BRI3BP: variants seen among roughly 807,000 people sequenced by gnomAD.
BRI3BP encodes BRI3 binding protein.
A neutral mutation model predicts 15.8 loss-of-function variants in BRI3BP; 7 were observed. The ratio of observed to expected loss-of-function variants is 0.44; its 90% CI spans 0.25 to 0.83. The LOEUF (loss-of-function observed/expected upper bound fraction) is 0.83, where lower values mean the gene tolerates loss of function less well. Ranked by LOEUF, BRI3BP falls within the 40% of genes least tolerant of loss-of-function variation. The probability of loss-of-function intolerance (pLI) is 0.20; values close to 1 mark genes in which losing one functional copy is unlikely to be tolerated. For missense variants in BRI3BP, 320 were observed against 339.3 expected, an observed-to-expected ratio of 0.94 and a Z score of 0.45; for synonymous variants, 192 against 163.5, an observed-to-expected ratio of 1.17 and a Z score of -1.33.
At chr12:125,021,278 C>G (rs570993060) in intron 2 of BRI3BP, among the ~76,000 whole-genome samples, 2 of 152,292 alleles carry the variant, frequency 1.3e-5, no homozygotes, top group African/African-American at 4.8e-5. Context: ...GGAGTCTGAT[C>G]ATTTTGGGGA....
chr12:124,998,295 A>T (rs1402622827), intron 1 of BRI3BP, among the ~76,000 whole-genome samples: 1 of 152,204 alleles, frequency 6.6e-6, no homozygotes, highest in Non-Finnish European at 1.5e-5. Flanking sequence ...CTCAAAAAAA[A>T]TTATTAAGCA....
intron 2 of BRI3BP, among the ~76,000 whole-genome samples, chr12:125,014,109 G>T (rs1227959545): frequency 6.6e-6 from 1 of 152,158 alleles, no homozygotes; most frequent in Non-Finnish European, 1.5e-5. Context: ...GGCATCCCAT[G>T]CTCTCAGGAT....
At chr12:125,009,627 G>T (rs1433063307) in intron 1 of BRI3BP, among the ~76,000 whole-genome samples, 1 of 145,834 alleles carries the variant, frequency 6.9e-6, no homozygotes, top group Non-Finnish European at 1.5e-5. Context: ...GATGGGGGGG[G>T]GGTCTCATTT....
rs866479137 is a variant in BRI3BP at position 125,031,220 on chromosome 12, C to T, written c.*5790C>T. The stretch of plus-strand genomic sequence containing the variant: ...TGGACTTTTAAAATATATCTCATCA[C>T]TTCTAACCAAACATTTGTGGAGTTT... On this transcript the variant is annotated 3_prime_UTR_variant, in exon 3 of 3. Coordinates refer to ENST00000341446, the MANE Select transcript of BRI3BP (RefSeq NM_080626.6). 3 of 152,176 alleles carry T rather than the reference C, an allele frequency of 2.0e-5. No homozygotes were observed. The highest frequency in any genetic ancestry group is 6.5e-5 in the Admixed American group (1 of 15,268). 9.4% of individuals were successfully genotyped at this position (152,176 alleles called of 1,614,324 possible).
the BRI3BP span, among the ~76,000 whole-genome samples, chr12:125,046,566 G>GA: frequency 1.6e-4 from 24 of 148,340 alleles, no homozygotes; most frequent in African/African-American, 3.7e-4. Context: ...CTCCGTCTTG[G>GA]AAAAAAAAAA....
intron 1 of BRI3BP, among the ~76,000 whole-genome samples, chr12:125,002,564 C>A (rs1594528238): frequency 6.6e-6 from 1 of 151,492 alleles, no homozygotes; most frequent in Non-Finnish European, 1.5e-5. Flanking sequence ...TCACGCCATT[C>A]TCCTGCCTCA....
chr12:125,011,569 ATGTC>A (rs1309166433), intron 1 of BRI3BP, among the ~76,000 whole-genome samples: 1 of 152,118 alleles, frequency 6.6e-6, no homozygotes, highest in Non-Finnish European at 1.5e-5. Context: ...CAGAAAGAAT[ATGTC>A]TGTGCCATTA....
intron 1 of BRI3BP, among the ~76,000 whole-genome samples, chr12:125,002,313 A>ACAGC (rs150417696): frequency 0.35 from 52,149 of 150,718 alleles, 9,199 homozygotes; most frequent in East Asian, 0.39. Flanking sequence ...GTACCGTTTT[A>ACAGC]CCTGCCTACC....
chr12:125,003,357 G>A (rs1313414284), intron 1 of BRI3BP, among the ~76,000 whole-genome samples: 3 of 152,180 alleles, frequency 2.0e-5, no homozygotes, highest in African/African-American at 7.2e-5. Flanking sequence ...CTCCCATGGA[G>A]GCGATGGCTG....
chr12:125,048,296 T>A, the BRI3BP span, among the ~76,000 whole-genome samples: 42 of 152,268 alleles, frequency 2.8e-4, no homozygotes, highest in Non-Finnish European at 5.4e-4. Context: ...AGTCACCATG[T>A]GTGTTCCTAA....
chr12:125,043,737 A>T, the BRI3BP span, among the ~76,000 whole-genome samples: 1 of 152,140 alleles, frequency 6.6e-6, no homozygotes, highest in Non-Finnish European at 1.5e-5. Flanking sequence ...CGTGTCTGTA[A>T]TCCCAGCTAC....
intron 1 of BRI3BP, among the ~76,000 whole-genome samples, chr12:125,003,618 T>C (rs1299344783): frequency 6.6e-6 from 1 of 152,114 alleles, no homozygotes; most frequent in African/African-American, 2.4e-5. Context: ...TTTGCATATT[T>C]CAGTTAGCAT....
chr12:125,036,009 G>C (rs1195874000), downstream of BRI3BP, among the ~76,000 whole-genome samples: 1 of 151,788 alleles, frequency 6.6e-6, no homozygotes, highest in Non-Finnish European at 1.5e-5. Flanking sequence ...AATCTTTGAT[G>C]ATGATTAACA....
intron 2 of BRI3BP, among the ~76,000 whole-genome samples, chr12:125,016,222 A>G (rs1955242155): frequency 6.6e-6 from 1 of 152,166 alleles, no homozygotes. Context: ...AAGGCATCCG[A>G]AGCCCTTTGG....
chr12:125,022,537 A>ATTTTTTTTT lies in BRI3BP; in HGVS notation c.317-2451_317-2450insTTTTTTTTT, dbSNP rs1391143992. On this transcript the variant is annotated intron_variant, in intron 2 of 2. Coordinates refer to ENST00000341446, the MANE Select transcript of BRI3BP (RefSeq NM_080626.6). ...TAATTTATTATTTATTTATTTATTT[A>ATTTTTTTTT]TTTATTTTTTGAGACAGAGCCTCAC... is the stretch of plus-strand genomic sequence containing the variant. Among the ~76,000 whole-genome samples the ATTTTTTTTT allele has an allele frequency of 3.5e-3, 244 of 70,604 alleles. 1 individual carries two copies. The highest frequency in any genetic ancestry group is 8.5e-3 in the Admixed American group (61 of 7,190). The allele number at this position is 70,604 out of a possible 152,430, so 46.3% of individuals were successfully genotyped here. A position where few individuals can be genotyped will look rare whatever the true frequency, so the allele number is the denominator to read the frequency against.
chr12:125,034,100 G>A (rs1955425854), downstream of BRI3BP, among the ~76,000 whole-genome samples: 5 of 151,314 alleles, frequency 3.3e-5, no homozygotes, highest in Admixed American at 1.3e-4. Flanking sequence ...AGGCTGGAGT[G>A]CAATGGCACA....
chr12:124,995,615 G>A (rs1355409124), intron 1 of BRI3BP, among the ~76,000 whole-genome samples: 3 of 152,178 alleles, frequency 2.0e-5, no homozygotes, highest in African/African-American at 7.2e-5. Context: ...CGGGGTTTGT[G>A]CCTTTAATAG....
chr12:125,038,816 G>C, the BRI3BP span, among the ~76,000 whole-genome samples: 1 of 151,272 alleles, frequency 6.6e-6, no homozygotes, highest in African/African-American at 2.4e-5. Context: ...CCAAGGTCAG[G>C]CCTTGGCTCA....
the BRI3BP span, among the ~76,000 whole-genome samples, chr12:125,045,733 G>A: frequency 2.0e-5 from 3 of 152,170 alleles, no homozygotes; most frequent in South Asian, 4.1e-4. Context: ...GAGTGCCTAC[G>A]ATTGGCCCTA....
Sources: allele counts gnomAD v4.1 joint callset (sites outside exome capture counted in the v4.1 genomes callset), GRCh38; gene constraint gnomAD v4.1.1; transcripts MANE v1.5; gene names NCBI Gene and HGNC (gene_info 2026-07-23, HGNC 2026-07-21).